Variants in SPG7 observed in about 807,000 individuals in gnomAD.
SPG7 encodes mitochondrial inner membrane m-AAA protease component paraplegin.
SPG7 carries 103 observed loss-of-function variants against 81.9 expected under a neutral mutation model. The ratio of observed to expected loss-of-function variants is 1.26; its 90% CI spans 1.07 to 1.48. The LOEUF (loss-of-function observed/expected upper bound fraction) is 1.48. Ranked by LOEUF, SPG7 falls within the 40% of genes most tolerant of loss-of-function variation. The pLI, the probability that SPG7 is intolerant of heterozygous loss-of-function variation, is 0.00. For missense variants in SPG7, 1,241 were observed against 1,087.3 expected (o/e 1.14, Z -1.99); for synonymous variants, 534 against 444.2 (o/e 1.20, Z -2.54).
Position 89,557,046 on chromosome 16 carries a change from A to G in SPG7, c.2341A>G (p.Thr781Ala). ...QDLGEEETEE[T>A]QQPPLGGEEP... ...CTTGGGCGAGGAGGAGACCGAAGAGACCCAGCAGCCTCCACTTGGAGGCGA... is the reference window on the plus strand; with the variant it reads ...CTTGGGCGAGGAGGAGACCGAAGAGGCCCAGCAGCCTCCACTTGGAGGCGA... The change falls in exon 17 of 17, where the codon ACC (threonine) becomes GCC (alanine). Residue 781 changes from threonine to alanine, a missense_variant. By Grantham distance (58) the Thr-to-Ala change is moderately conservative. Transcript: ENST00000645818. 1 of 1,612,348 alleles carries G rather than the reference A, an allele frequency of 6.2e-7. No individual in the cohort carries two copies. The highest frequency in any genetic ancestry group is 8.5e-7 in the Non-Finnish European group (1 of 1,180,002).
chr16:89,557,206 C>T lies in SPG7; in HGVS notation c.*113C>T. 4.3e-6 allele frequency: 3 copies of T among 702,448 alleles called. No homozygotes were observed. The highest frequency in any genetic ancestry group is 7.5e-6 in the Non-Finnish European group (3 of 399,686). 43.5% of individuals were successfully genotyped at this position (702,448 alleles called of 1,614,324 possible). Reference sequence around the variant, plus strand: ...CTTCCTCTCGCGGCCCTCAGTAGTCCCTGCACAGTGACTTCTGAGATCTGT... The same window carrying T: ...CTTCCTCTCGCGGCCCTCAGTAGTCTCTGCACAGTGACTTCTGAGATCTGT... On this transcript the variant is annotated 3_prime_UTR_variant, in exon 17 of 17. Coordinates refer to ENST00000645818, the MANE Select transcript of SPG7 (RefSeq NM_003119.4).
chr16:89,557,018 G>C lies in SPG7; in HGVS notation c.2313G>C (p.Gln771His), dbSNP rs1567936828. The C allele has an allele frequency of 6.2e-7, 1 of 1,613,472 alleles. No individual in the cohort carries two copies. The highest frequency in any genetic ancestry group is 1.3e-5 in the African/African-American group (1 of 74,932). ...QRWIDAQREK[Q>H]DLGEEETEET... ...GGATCGACGCCCAGAGGGAGAAACAGGACTTGGGCGAGGAGGAGACCGAAG... is the reference window on the plus strand; with the variant it reads ...GGATCGACGCCCAGAGGGAGAAACACGACTTGGGCGAGGAGGAGACCGAAG... Residue 771 changes from glutamine to histidine, a missense_variant, in exon 17 of 17, where the codon CAG becomes CAC. By Grantham distance (24) the Gln-to-His change is conservative. Transcript: ENST00000645818.
chr16:89,532,328 CGT>C (rs1397032940), intron 8 of SPG7, 133 bp from the exon 9 acceptor site: 2 of 1,164,168 alleles, frequency 1.7e-6, no homozygotes, highest in Non-Finnish European at 2.5e-6. Context: ...GAGCAGCTGC[CGT>C]GTGTCTGTTT....
In SPG7 at chr16:89,550,459, C is replaced by A. The variant is rs774079136; in HGVS notation, c.1664-35C>A. 8 of 1,485,894 alleles carry A rather than the reference C, an allele frequency of 5.4e-6. No homozygotes were observed. The African/African-American group carries it at 1.1e-4, about 21-fold the overall frequency. The allele number at this position is 1,485,894 out of a possible 1,614,324, so 92.0% of individuals were successfully genotyped here. On this transcript the variant is annotated intron_variant, in intron 12 of 16. Coordinates refer to ENST00000645818, the MANE Select transcript of SPG7 (RefSeq NM_003119.4). ...CAGCGCTGGGATTACAGGCGTGAGC[C>A]ACCGCGCCCAACTCATACCCCGGCA...
At chr16:89,524,708 G>A (rs1347210193) in intron 4 of SPG7, among the ~76,000 whole-genome samples, 1 of 151,858 alleles carries the variant, frequency 6.6e-6, no homozygotes. Context: ...ACCTCCCAAA[G>A]TGCTGGGATT....
In SPG7 at chr16:89,554,558, C is replaced by T. The variant is rs370973066; in HGVS notation, c.2176C>T (p.Gln726Ter). 1.2e-6 allele frequency: 2 copies of T among 1,608,068 alleles called. No individual in the cohort carries two copies. Among genetic ancestry groups the T allele is most frequent in the Non-Finnish European group, 1.7e-6 (2 of 1,179,160 alleles). ...GCTGCAGGACAACCTGGACAAGTTG[C>T]AGGCGGTGAGGCCCTGGCCAGGCGT... ...KVLQDNLDKLQALANALLEKE... is the reference protein window; with the variant it reads ...KVLQDNLDKL The change falls in exon 16 of 17, where the codon CAG becomes TAG. Residue 726 changes from glutamine to a stop codon, truncating the protein, a stop_gained. Transcript: ENST00000645818. LOFTEE classifies it low-confidence loss of function (END_TRUNC).
chr16:89,531,924 G>A lies in SPG7; in HGVS notation c.1008G>A (p.Gln336=). The change falls in exon 8 of 17, where the codon CAG becomes CAA. Residue 336 remains glutamine (Q), a synonymous_variant. Coordinates refer to ENST00000645818, the MANE Select transcript of SPG7 (RefSeq NM_003119.4). ...DYLKSPERFL[Q]LGAKVPKGAL... ...TCCAGAGCCCAGAACGCTTCCTCCA[G>A]CTTGGCGCCAAGGTCCCAAAGGGCG... The A allele has an allele frequency of 6.2e-7, 1 of 1,614,116 alleles. No individual in the cohort carries two copies.
chr16:89,514,069 G>C (rs1276301577), intron 3 of SPG7, among the ~76,000 whole-genome samples: 2 of 152,124 alleles, frequency 1.3e-5, no homozygotes, highest in Admixed American at 6.6e-5. Context: ...CTGAGCTCTC[G>C]AGGGGAGGTC....
At chr16:89,508,922 TA>T (rs1234715101) in intron 1 of SPG7, 1 of 550,682 alleles carries the variant, frequency 1.8e-6, no homozygotes, top group Admixed American at 2.2e-5. Flanking sequence ...GTTTCCGGCG[TA>T]GCACTAATTT....
At chr16:89,517,134 C>G (rs2058108396) in intron 3 of SPG7, 1 of 152,340 alleles carries the variant, frequency 6.6e-6, no homozygotes, top group Non-Finnish European at 1.5e-5. Context: ...GAAGGGTCAC[C>G]TGTCATAGAA....
chr16:89,513,069 C>T, intron 3 of SPG7, 32 bp downstream of exon 3: 1 of 1,575,568 alleles, frequency 6.3e-7, no homozygotes, highest in Non-Finnish European at 8.6e-7. Flanking sequence ...CAGTCAGTAG[C>T]TGCCTCTGGA....
At chr16:89,523,415 G>A (rs2152399203) in intron 3 of SPG7, 1 of 326,074 alleles carries the variant, frequency 3.1e-6, no homozygotes, top group African/African-American at 2.2e-5. Context: ...ATTTCTTGAG[G>A]CAGGTTGTGG....
chr16:89,556,825 A>AGT (rs2058691336), intron 16 of SPG7, 62 bp from the exon 17 acceptor site: 1 of 1,338,718 alleles, frequency 7.5e-7, no homozygotes, highest in Non-Finnish European at 1.1e-6. Flanking sequence ...CCACCTCCCC[A>AGT]GGACATAGAG....
chr16:89,529,290 A>C (rs1454875653), intron 5 of SPG7, 187 bp from the exon 6 acceptor site: 5 of 631,866 alleles, frequency 7.9e-6, no homozygotes, highest in African/African-American at 7.2e-5. Flanking sequence ...TTCATGAAAA[A>C]GCACAGTCAG....
In SPG7 at chr16:89,544,592, A is replaced by C. The variant is rs751635338; in HGVS notation, c.1325-56A>C. 2.4e-4 allele frequency: 383 copies of C among 1,607,964 alleles called. 1 individual carries two copies. The highest frequency in any genetic ancestry group is 2.3e-4 in the Non-Finnish European group (268 of 1,175,240). ...GTCCTGAAGGGGAACCTGCAGGGGA[A>C]ATCTGTTGTGTCAGGACCCCTACCC... On this transcript the variant is annotated intron_variant, in intron 9 of 16. Transcript: ENST00000645818.
chr16:89,515,951 T>G (rs1331070746), intron 3 of SPG7, among the ~76,000 whole-genome samples: 2 of 151,978 alleles, frequency 1.3e-5, no homozygotes, highest in Non-Finnish European at 2.9e-5. Flanking sequence ...TCAGGCGATC[T>G]GCCCATCTTG....
Position 89,508,412 on chromosome 16 carries a change from G to A in SPG7, c.-6G>A, listed in dbSNP as rs1309072044. On this transcript the variant is annotated 5_prime_UTR_variant, in exon 1 of 17. Transcript: ENST00000645818. ...CGGATCACGCAGGCGCGGCTTTCAG[G>A]CCAACATGGCCGTGCTGCTGCTGCT... 9.4e-6 allele frequency: 14 copies of A among 1,481,992 alleles called. No homozygotes were observed. The South Asian group carries it at 1.0e-4, about 11-fold the overall frequency. The allele number at this position is 1,481,992 out of a possible 1,614,324, so 91.8% of individuals were successfully genotyped here.
rs1229815857 is a variant in SPG7, at chr16:89,529,508, G to C, written c.790G>C (p.Gly264Arg). 6.2e-7 allele frequency: 1 copy of C among 1,613,938 alleles called. No individual in the cohort carries two copies. Among genetic ancestry groups the C allele is most frequent in the South Asian group, 1.1e-5 (1 of 91,036 alleles). ...ALYSVGMTAV[G>R]LAILWYVFRL... Reference sequence around the variant, plus strand: ...GTACTCTGTGGGGATGACGGCAGTGGGCCTGGCCATCCTGTGGTATGTTTT... The same window carrying C: ...GTACTCTGTGGGGATGACGGCAGTGCGCCTGGCCATCCTGTGGTATGTTTT... Residue 264 changes from glycine (G) to arginine (R), a missense_variant, in exon 6 of 17, where the codon GGC becomes CGC. Transcript: ENST00000645818.
chr16:89,532,388 G>T, intron 8 of SPG7, 75 bp from the exon 9 acceptor site: 1 of 1,544,010 alleles, frequency 6.5e-7, no homozygotes, highest in Non-Finnish European at 8.9e-7. Context: ...GTAGAACTTT[G>T]TCTGGCCCGG....
Sources: allele counts gnomAD v4.1 joint callset (sites outside exome capture counted in the v4.1 genomes callset), GRCh38; gene constraint gnomAD v4.1.1; transcripts MANE v1.5; gene names NCBI Gene and HGNC (gene_info 2026-07-23, HGNC 2026-07-21).